ZNRF2: variants seen among roughly 807,000 people sequenced by gnomAD.
ZNRF2 encodes the protein E3 ubiquitin-protein ligase ZNRF2.
In ZNRF2, 16 loss-of-function variants were observed where a neutral mutation model predicts 20.4. The ratio of observed to expected loss-of-function variants is 0.79; its 90% confidence interval spans 0.53 to 1.19. ZNRF2 has a LOEUF of 1.19. Among genes scored for constraint, ZNRF2 ranks in the 50% most tolerant of loss-of-function variants. ZNRF2 has a pLI of 0.00. For missense variants in ZNRF2, 363 were observed against 332.4 expected (o/e 1.09, Z -0.72); for synonymous variants, 178 against 144.9 (o/e 1.23, Z -1.64).
intron 1 of ZNRF2, among the ~76,000 whole-genome samples, chr7:30,311,462 T>C (rs78739740): frequency 0.04 from 6,016 of 152,246 alleles, 385 homozygotes; most frequent in African/African-American, 0.14. Context: ...AGAGTGAATT[T>C]CATGAAGAGC....
At chr7:30,340,373 T>C (rs897580319) in intron 2 of ZNRF2, among the ~76,000 whole-genome samples, 4 of 152,230 alleles carry the variant, frequency 2.6e-5, no homozygotes, top group African/African-American at 9.6e-5. Flanking sequence ...ATTATGATAT[T>C]AGCTGTGGGT....
intron 2 of ZNRF2, among the ~76,000 whole-genome samples, chr7:30,338,779 G>A (rs1380214531): frequency 6.6e-6 from 1 of 152,012 alleles, no homozygotes; most frequent in African/African-American, 2.4e-5. Context: ...ATACTCCTTT[G>A]GGTATATACC....
intron 3 of ZNRF2, among the ~76,000 whole-genome samples, chr7:30,356,379 A>G (rs1800038936): frequency 1.3e-5 from 2 of 152,156 alleles, no homozygotes; most frequent in Admixed American, 1.3e-4. Flanking sequence ...GTGGGGGAAA[A>G]CTTAGAGAAA....
intron 1 of ZNRF2, among the ~76,000 whole-genome samples, chr7:30,311,327 T>C (rs1468330787): frequency 6.6e-6 from 1 of 152,228 alleles, no homozygotes; most frequent in Non-Finnish European, 1.5e-5. Context: ...TTAATTCCTT[T>C]CATTCCTAAA....
chr7:30,286,839 G>A (rs1290891148), intron 1 of ZNRF2, among the ~76,000 whole-genome samples: 1 of 152,150 alleles, frequency 6.6e-6, no homozygotes, highest in Admixed American at 6.5e-5. Context: ...GAGCACAGAT[G>A]AGCAGCGAAA....
chr7:30,313,517 C>G (rs1799321866), intron 1 of ZNRF2, among the ~76,000 whole-genome samples: 1 of 152,134 alleles, frequency 6.6e-6, no homozygotes, highest in Non-Finnish European at 1.5e-5. Flanking sequence ...TCCTTCCTCC[C>G]TCCCTGCCTT....
At chr7:30,338,614 T>A (rs1015660299) in intron 2 of ZNRF2, among the ~76,000 whole-genome samples, 5 of 152,172 alleles carry the variant, frequency 3.3e-5, no homozygotes, top group Non-Finnish European at 7.3e-5. Context: ...GTCATCCTTT[T>A]TTATGGCTCC....
At chr7:30,315,897 CTAAT>C in intron 1 of ZNRF2, among the ~76,000 whole-genome samples, 1 of 152,156 alleles carries the variant, frequency 6.6e-6, no homozygotes, top group Non-Finnish European at 1.5e-5. Context: ...GAGAGGCACA[CTAAT>C]GACTTTGGGG....
intron 1 of ZNRF2, among the ~76,000 whole-genome samples, chr7:30,286,897 A>T (rs1317971363): frequency 2.0e-5 from 3 of 152,206 alleles, no homozygotes; most frequent in East Asian, 3.8e-4. Context: ...ATATTTGTAA[A>T]CGTAGGAACT....
At chr7:30,324,560 G>GAA (rs57509036) in intron 2 of ZNRF2, among the ~76,000 whole-genome samples, 1 of 142,764 alleles carries the variant, frequency 7.0e-6, no homozygotes, top group Admixed American at 7.0e-5. Flanking sequence ...AAAAAAAAAA[G>GAA]AAAAAAAAAC....
rs1299070192 is a variant in ZNRF2 at position 30,366,387 on chromosome 7, C to T, written c.*375C>T. On this transcript the variant is annotated 3_prime_UTR_variant, in exon 5 of 5. Coordinates refer to ENST00000323037, the MANE Select transcript of ZNRF2 (RefSeq NM_147128.4). ...TATTAAGTTCTCCAGAGCTGCACAA[C>T]TAGTTATGTTTTGATTTGTTTTGTT... The T allele has an allele frequency of 6.6e-6, 1 of 152,576 alleles. No individual in the cohort carries two copies. The highest frequency in any genetic ancestry group is 2.4e-5 in the African/African-American group (1 of 41,448). The allele number at this position is 152,576 out of a possible 1,614,324, so 9.5% of individuals were successfully genotyped here.
intron 1 of ZNRF2, 103 bp downstream of exon 1, chr7:30,285,929 G>A: frequency 2.3e-6 from 3 of 1,328,698 alleles, no homozygotes; most frequent in Non-Finnish European, 2.9e-6. Context: ...CTTCTGCCGG[G>A]GCGCCGGGGG....
At chr7:30,362,691 G>T (rs1252022835) in intron 4 of ZNRF2, among the ~76,000 whole-genome samples, 1 of 152,152 alleles carries the variant, frequency 6.6e-6, no homozygotes, top group African/African-American at 2.4e-5. Flanking sequence ...CAGGCAGGTG[G>T]ATCACTTGAG....
intron 1 of ZNRF2, among the ~76,000 whole-genome samples, chr7:30,320,744 G>A (rs1247209455): frequency 6.6e-6 from 1 of 152,102 alleles, no homozygotes; most frequent in African/African-American, 2.4e-5. Context: ...AAGTCAAGGA[G>A]CATTTGTATA....
In ZNRF2 at chr7:30,285,581, C is replaced by T; in HGVS notation, c.224C>T (p.Pro75Leu). The T allele has an allele frequency of 9.7e-7, 1 of 1,027,284 alleles. No homozygotes were observed. The allele number at this position is 1,027,284 out of a possible 1,614,324, so 63.6% of individuals were successfully genotyped here. A position where few individuals can be genotyped will look rare whatever the true frequency, so the allele number is the denominator to read the frequency against. The change falls in exon 1 of 5, where the codon CCG becomes CTG. Residue 75 changes from proline to leucine, a missense_variant. This residue lies in a region of ZNRF2 where 302 missense variants were observed against 231.5 expected (regional missense o/e 1.30). Coordinates refer to ENST00000323037, the MANE Select transcript of ZNRF2 (RefSeq NM_147128.4). ...GCGGCCGCGGCGGCCCCGGCAGCCC[C>T]GGCGGCCCCGCGCAGCCGCTCCCTC... ...AAAAAAAPAA[P>L]AAPRSRSLGG...
chr7:30,302,181 A>T (rs988558332), intron 1 of ZNRF2, among the ~76,000 whole-genome samples: 5 of 152,206 alleles, frequency 3.3e-5, no homozygotes, highest in African/African-American at 1.2e-4. Flanking sequence ...TGTAGCAAGG[A>T]CTAGAGAAAA....
rs114732444 is a variant in ZNRF2 at position 30,298,618 on chromosome 7, C to G, written c.469+12792C>G. Among the ~76,000 whole-genome samples the G allele has an allele frequency of 6.6e-3, 1,011 of 152,250 alleles. 16 individuals are homozygous for G. Among genetic ancestry groups the G allele is most frequent in the African/African-American group, 0.023 (972 of 41,544 alleles). On this transcript the variant is annotated intron_variant, in intron 1 of 4. Transcript: ENST00000323037. ...ACTCAAAATGATACTTTCATTTAAT[C>G]TCAATATTTAGTATCAATACAGGAC... is the stretch of plus-strand genomic sequence containing the variant.
At chr7:30,346,189 T>G (rs1799876282) in intron 2 of ZNRF2, among the ~76,000 whole-genome samples, 3 of 126,126 alleles carry the variant, frequency 2.4e-5, no homozygotes, top group Non-Finnish European at 5.0e-5. Context: ...TTTTTTTTTT[T>G]TTTTTTTTTT....
At chr7:30,315,107 C>T (rs563734023) in intron 1 of ZNRF2, among the ~76,000 whole-genome samples, 16 of 152,234 alleles carry the variant, frequency 1.1e-4, no homozygotes, top group South Asian at 4.1e-4. Flanking sequence ...TGAGCCACCA[C>T]GCCTGGCCTA....
Sources: gnomAD v4.1 joint callset for allele counts (sites outside exome capture counted in the v4.1 genomes callset) on GRCh38, gnomAD v4.1.1 for gene constraint, gnomAD v4.1.1 regional missense constraint, MANE v1.5 for transcripts, NCBI Gene and HGNC (gene_info 2026-07-23, HGNC 2026-07-21) for gene names.